Variants in CABLES1 observed in about 807,000 individuals in gnomAD.
The protein encoded by CABLES1 is CDK5 and ABL1 enzyme substrate 1.
CABLES1 carries 36 observed loss-of-function variants against 57.8 expected under a neutral mutation model. The ratio of observed to expected loss-of-function variants is 0.62; its 90% CI spans 0.48 to 0.82. The LOEUF is 0.82. Among genes scored for constraint, CABLES1 ranks in the 40% least tolerant of loss-of-function variants. The pLI, the probability that CABLES1 is intolerant of heterozygous loss-of-function variation, is 0.00. For missense variants in CABLES1, 767 were observed against 836.6 expected (o/e 0.92, Z 1.03); for synonymous variants, 374 against 363.0 (o/e 1.03, Z -0.35).
chr18:23,150,325 C>G (rs1246450925), intron 1 of CABLES1, among the ~76,000 whole-genome samples: 2 of 151,552 alleles, frequency 1.3e-5, no homozygotes, highest in Non-Finnish European at 2.9e-5. Flanking sequence ...TCTCCTGCCT[C>G]AGCCTCCCGA....
intron 7 of CABLES1, among the ~76,000 whole-genome samples, chr18:23,246,467 C>T (rs531295959): frequency 3.4e-4 from 52 of 152,146 alleles, no homozygotes; most frequent in Non-Finnish European, 6.6e-4. Flanking sequence ...TCTTGGCTCA[C>T]TGCAAGCTCC....
At chr18:23,178,736 CA>C (rs1465243791) in intron 1 of CABLES1, among the ~76,000 whole-genome samples, 1 of 152,132 alleles carries the variant, frequency 6.6e-6, no homozygotes, top group Admixed American at 6.5e-5. Context: ...CCCCATATAC[CA>C]AGATAACCTC....
rs530032050 is a variant in CABLES1 at position 23,220,270 on chromosome 18, T to A, written c.1088+6216T>A. On this transcript the variant is annotated intron_variant, in intron 4 of 9. Transcript: ENST00000256925. ...TGTGTGTGAATGTGATAAATAGAGG[T>A]AATAATAGAAACATCCTGAATAGTG... 3.3e-5 allele frequency among the ~76,000 whole-genome samples: 5 copies of A among 152,142 alleles called. No homozygotes were observed. The South Asian group carries it at 1.0e-3, about 32-fold the overall frequency.
At chr18:23,164,963 G>A (rs956128970) in intron 1 of CABLES1, among the ~76,000 whole-genome samples, 1 of 152,156 alleles carries the variant, frequency 6.6e-6, no homozygotes, top group East Asian at 1.9e-4. Context: ...AGTAGAGACA[G>A]GGTTTTACCA....
At chr18:23,141,522 T>G (rs1203444286) in intron 1 of CABLES1, among the ~76,000 whole-genome samples, 1 of 152,212 alleles carries the variant, frequency 6.6e-6, no homozygotes, top group Non-Finnish European at 1.5e-5. Flanking sequence ...GTAAAGAACT[T>G]TGATCTCAGC....
intron 1 of CABLES1, among the ~76,000 whole-genome samples, chr18:23,152,311 A>G (rs914808812): frequency 6.6e-6 from 1 of 152,054 alleles, no homozygotes; most frequent in African/African-American, 2.4e-5. Flanking sequence ...CTCATTGCCT[A>G]TTTCTCCCCC....
Position 23,135,792 on chromosome 18 carries a change from G to T in CABLES1, c.30G>T (p.Thr10=), listed in dbSNP as rs1308263288. 2.2e-6 allele frequency: 2 copies of T among 919,770 alleles called. No homozygotes were observed. The highest frequency in any genetic ancestry group is 1.8e-5 in the African/African-American group (1 of 54,442). The allele number at this position is 919,770 out of a possible 1,614,324, so 57.0% of individuals were successfully genotyped here. Residue 10 remains threonine, a synonymous_variant, in exon 1 of 10, where the codon ACG becomes ACT. Coordinates refer to ENST00000256925, the MANE Select transcript of CABLES1 (RefSeq NM_001100619.3). The part of the protein sequence containing the change: MAAAAAAAT[T]AACSSGSAGT... ...CGGCGGCGGCGGCGGCCGCCACCAC[G>T]GCCGCCTGCAGCAGCGGCAGCGCCG...
intron 3 of CABLES1, among the ~76,000 whole-genome samples, chr18:23,200,743 A>G (rs9966290): frequency 7.9e-5 from 12 of 152,244 alleles, no homozygotes; most frequent in African/African-American, 2.9e-4. Flanking sequence ...AGGAAGTGCC[A>G]TGGACATTGC....
At chr18:23,209,790 C>T (rs966594457) in intron 3 of CABLES1, among the ~76,000 whole-genome samples, 3 of 102,476 alleles carry the variant, frequency 2.9e-5, no homozygotes, top group African/African-American at 6.6e-5. Flanking sequence ...ACTTGAGGAC[C>T]GTGGCTGGTG....
At chr18:23,182,512 G>A (rs1483130040) in intron 1 of CABLES1, among the ~76,000 whole-genome samples, 1 of 152,200 alleles carries the variant, frequency 6.6e-6, no homozygotes, top group African/African-American at 2.4e-5. Flanking sequence ...CCCCGGGAGT[G>A]TCTAAAACCC....
chr18:23,220,392 TACC>T (rs1034572139), intron 4 of CABLES1, among the ~76,000 whole-genome samples: 2 of 152,120 alleles, frequency 1.3e-5, no homozygotes, highest in African/African-American at 4.8e-5. Context: ...GTGCCAGTAT[TACC>T]ATTTTACTTG....
At chr18:23,256,891 C>T (rs1259022591) in intron 9 of CABLES1, among the ~76,000 whole-genome samples, 1 of 152,234 alleles carries the variant, frequency 6.6e-6, no homozygotes. Context: ...ACACATGTGA[C>T]CCTGGCTAAG....
At chr18:23,146,397 G>A (rs961516110) in intron 1 of CABLES1, among the ~76,000 whole-genome samples, 2 of 151,970 alleles carry the variant, frequency 1.3e-5, no homozygotes, top group African/African-American at 2.4e-5. Flanking sequence ...TCTGCCTCCC[G>A]GGTTCAAGCG....
chr18:23,210,048 T>C lies in CABLES1; in HGVS notation c.1011-3929T>C, dbSNP rs139192468. On this transcript the variant is annotated intron_variant, in intron 3 of 9. Transcript: ENST00000256925. Reference sequence around the variant, plus strand: ...TGTGAAAAAGAAAGCTGGACGGTGCTCCGTTAGCTTCCGAGCACTCATGAG... The same window carrying C: ...TGTGAAAAAGAAAGCTGGACGGTGCCCCGTTAGCTTCCGAGCACTCATGAG... Among the ~76,000 whole-genome samples the C allele has an allele frequency of 2.2e-3, 341 of 152,320 alleles. 2 individuals are homozygous for C. Among genetic ancestry groups the C allele is most frequent in the African/African-American group, 5.9e-3 (247 of 41,568 alleles).
intron 3 of CABLES1, among the ~76,000 whole-genome samples, chr18:23,212,044 T>G (rs2047408936): frequency 6.6e-6 from 1 of 152,362 alleles, no homozygotes; most frequent in East Asian, 1.9e-4. Flanking sequence ...CTCCCTTCAG[T>G]AGCATCTCTG....
At chr18:23,212,360 A>C (rs2047411197) in intron 3 of CABLES1, among the ~76,000 whole-genome samples, 1 of 152,168 alleles carries the variant, frequency 6.6e-6, no homozygotes, top group Non-Finnish European at 1.5e-5. Flanking sequence ...CCCATTTTTT[A>C]GAAGGGCAGA....
At chr18:23,218,311 C>T (rs961934225) in intron 4 of CABLES1, among the ~76,000 whole-genome samples, 2 of 137,424 alleles carry the variant, frequency 1.5e-5, no homozygotes, top group African/African-American at 5.6e-5. Flanking sequence ...CTCCCGCATC[C>T]TCACTTGCCC....
intron 1 of CABLES1, among the ~76,000 whole-genome samples, chr18:23,150,495 C>T (rs186107703): frequency 5.9e-5 from 9 of 152,126 alleles, no homozygotes; most frequent in Non-Finnish European, 1.2e-4. Flanking sequence ...GGATTACAGC[C>T]GTGAGCCACC....
chr18:23,212,299 A>G (rs906703918), intron 3 of CABLES1, among the ~76,000 whole-genome samples: 46 of 152,228 alleles, frequency 3.0e-4, no homozygotes, highest in African/African-American at 9.9e-4. Context: ...TTCTCCAAGT[A>G]TGGGCTCATG....
Sources: gnomAD v4.1 joint callset for allele counts (sites outside exome capture counted in the v4.1 genomes callset) on GRCh38, gnomAD v4.1.1 for gene constraint, MANE v1.5 for transcripts, NCBI Gene and HGNC (gene_info 2026-07-23, HGNC 2026-07-21) for gene names.